The following POU6F1 variants were observed in gnomAD, a reference collection of about 807,000 sequenced individuals.
POU6F1 encodes POU class 6 homeobox 1, also known as POU domain, class 6, transcription factor 1.
Under a neutral mutation model 28.9 loss-of-function variants are expected in POU6F1, and 9 were observed. The observed-to-expected ratio is 0.31, with a 90% CI of 0.19 to 0.54. The LOEUF (loss-of-function observed/expected upper bound fraction) is 0.54, where lower values mean the gene tolerates loss of function less well. Ranked by LOEUF, POU6F1 falls within the 20% of genes least tolerant of loss-of-function variation. The probability of loss-of-function intolerance (pLI) is 0.94; values close to 1 mark genes in which losing one functional copy is unlikely to be tolerated. For synonymous variants in POU6F1, 173 were observed against 171.1 expected (o/e 1.01, Z -0.09); for missense variants, 338 against 426.1 (o/e 0.79, Z 1.82).
chr12:51,212,959 C>T (rs879526497), intron 1 of POU6F1, among the ~76,000 whole-genome samples: 14 of 150,806 alleles, frequency 9.3e-5, no homozygotes, highest in Non-Finnish European at 1.8e-4. Context: ...TTTTTCGAGG[C>T]GGAGTCTCGC....
chr12:51,208,918 C>G (rs975465347), intron 1 of POU6F1, among the ~76,000 whole-genome samples: 3 of 152,150 alleles, frequency 2.0e-5, no homozygotes, highest in Non-Finnish European at 4.4e-5. Flanking sequence ...GCCTGGGCAA[C>G]AGAGAGACCC....
rs1015831689 is a variant in POU6F1 at position 51,190,863 on chromosome 12, C to T, written c.1491-271G>A. ...TAGTGGAATAATAATAGTGCAACTG[C>T]CTTACAAACAACCATTCTAGAACGT... On this transcript the variant is annotated intron_variant, in intron 10 of 10. Transcript: ENST00000333640. The surrounding 1 kb of genome is among the most constrained non-coding windows in gnomAD (Gnocchi z 4.5). Among the ~76,000 whole-genome samples the T allele has an allele frequency of 3.3e-5, 5 of 150,820 alleles. No homozygotes were observed. Among genetic ancestry groups the T allele is most frequent in the Admixed American group, 6.6e-5 (1 of 15,072 alleles).
At chr12:51,202,830 C>T (rs1448208886) in intron 3 of POU6F1, among the ~76,000 whole-genome samples, 1 of 152,136 alleles carries the variant, frequency 6.6e-6, no homozygotes, top group Non-Finnish European at 1.5e-5. Flanking sequence ...ACTTAGTCTA[C>T]CCTCAGCGGC....
At chr12:51,194,788 T>C (rs1942701596) in intron 8 of POU6F1, among the ~76,000 whole-genome samples, 1 of 152,232 alleles carries the variant, frequency 6.6e-6, no homozygotes, top group Non-Finnish European at 1.5e-5. Context: ...CAGTGTTCAT[T>C]GCCTATGTAT....
intron 1 of POU6F1, among the ~76,000 whole-genome samples, chr12:51,212,056 C>T (rs985961965): frequency 1.4e-5 from 2 of 146,012 alleles, no homozygotes; most frequent in Non-Finnish European, 3.0e-5. Context: ...AAATGCCTTG[C>T]CTTTCGTTTT....
At position 51,217,588 on chromosome 12, in the gene POU6F1, CG is replaced by C. The variant is rs1944354822; in HGVS notation, c.-48+53del. The C allele has an allele frequency of 6.6e-6, 1 of 152,080 alleles. No homozygotes were observed. Among genetic ancestry groups the C allele is most frequent in the Non-Finnish European group, 1.5e-5 (1 of 67,970 alleles). 9.4% of individuals were successfully genotyped at this position (152,080 alleles called of 1,614,324 possible). A position where few individuals can be genotyped will look rare whatever the true frequency, so the allele number is the denominator to read the frequency against. On this transcript the variant is annotated intron_variant, in intron 1 of 10. Transcript: ENST00000333640. The surrounding 1 kb of genome is among the most constrained non-coding windows in gnomAD (Gnocchi z 5.3). ...AACCAAACCCGAAACCTCCCCTGCCCGGCCCCCTCCCCCTCCGTGCAAACCC... is the reference window on the plus strand; with the variant it reads ...AACCAAACCCGAAACCTCCCCTGCCCGCCCCCTCCCCCTCCGTGCAAACCC...
intron 8 of POU6F1, among the ~76,000 whole-genome samples, chr12:51,195,174 A>T (rs2137114787): frequency 6.6e-6 from 1 of 152,220 alleles, no homozygotes; most frequent in African/African-American, 2.4e-5. Flanking sequence ...TCCAGGCTGG[A>T]GTGCAGTGGC....
chr12:51,194,550 A>G (rs905991584), intron 8 of POU6F1, among the ~76,000 whole-genome samples: 1 of 150,184 alleles, frequency 6.7e-6, no homozygotes, highest in Non-Finnish European at 1.5e-5. Flanking sequence ...CTGAAGTGGG[A>G]GGATTGATTG....
intron 1 of POU6F1, among the ~76,000 whole-genome samples, chr12:51,214,269 T>C (rs1417762254): frequency 6.6e-6 from 1 of 152,232 alleles, no homozygotes; most frequent in African/African-American, 2.4e-5. Context: ...GCATGACTCT[T>C]ACCACAATCA....
At chr12:51,203,140 C>T (rs1943338883) in intron 3 of POU6F1, among the ~76,000 whole-genome samples, 1 of 152,112 alleles carries the variant, frequency 6.6e-6, no homozygotes, top group Admixed American at 6.6e-5. Flanking sequence ...ATGCACACTA[C>T]ACAAACACTC....
chr12:51,192,675 C>T lies in POU6F1; in HGVS notation c.1180-204G>A, dbSNP rs142045477. On this transcript the variant is annotated intron_variant, in intron 8 of 10. Coordinates refer to ENST00000333640, the MANE Select transcript of POU6F1 (RefSeq NM_001330422.2). ...ATCCCAACACTTTGGGAAGCCAAGG[C>T]GGGAGGATCACTTGAGGTTGGGAGT... is the stretch of plus-strand genomic sequence containing the variant. Among the ~76,000 whole-genome samples, 433 of 152,174 alleles carry T rather than the reference C, an allele frequency of 2.8e-3. 1 individual carries two copies. The highest frequency in any genetic ancestry group is 3.4e-3 in the Non-Finnish European group (234 of 68,008).
In POU6F1 at chr12:51,192,321, G is replaced by T. The variant is rs777603266; in HGVS notation, c.1321+9C>A. 6.4e-5 allele frequency: 104 copies of T among 1,613,636 alleles called. No individual in the cohort carries two copies. The highest frequency in any genetic ancestry group is 8.6e-5 in the Non-Finnish European group (101 of 1,179,778). ...ACTTCTCCACACTACTTCTCCAGGA[G>T]CCACTTACTGGACACCAACTGGCTG... is the stretch of plus-strand genomic sequence containing the variant. On this transcript the variant is annotated intron_variant, in intron 9 of 10. Transcript: ENST00000333640.
In POU6F1 at chr12:51,189,474, T is replaced by A. The variant is rs1216428235; in HGVS notation, c.*773A>T. On this transcript the variant is annotated 3_prime_UTR_variant, in exon 11 of 11. Transcript: ENST00000333640. ...GAAAGAACAGCCTTATTTTCTAAAT[T>A]CCCAACCTTCTGCAGACCCAGGAGA... The A allele has an allele frequency of 2.0e-5, 3 of 152,162 alleles. No homozygotes were observed. Among genetic ancestry groups the A allele is most frequent in the East Asian group, 3.8e-4 (2 of 5,204 alleles). The allele number at this position is 152,162 out of a possible 1,614,324, so 9.4% of individuals were successfully genotyped here. A position where few individuals can be genotyped will look rare whatever the true frequency, so the allele number is the denominator to read the frequency against.
chr12:51,207,776 A>G (rs1943724458), intron 1 of POU6F1: 1 of 152,244 alleles, frequency 6.6e-6, no homozygotes. Flanking sequence ...CTACTCTCAG[A>G]GAGTCTGATT....
chr12:51,195,403 G>T (rs926270239), intron 8 of POU6F1, among the ~76,000 whole-genome samples: 2 of 152,130 alleles, frequency 1.3e-5, no homozygotes, highest in Admixed American at 6.5e-5. Flanking sequence ...CCTTATTTGT[G>T]TGTCCCTGTG....
chr12:51,196,999 G>A, intron 6 of POU6F1, 72 bp from the exon 7 acceptor site: 1 of 827,856 alleles, frequency 1.2e-6, no homozygotes, highest in South Asian at 1.6e-5. Context: ...GAAGAGGACA[G>A]AGGGCATTGG....
chr12:51,214,214 G>T (rs1381672975), intron 1 of POU6F1, among the ~76,000 whole-genome samples: 1 of 151,960 alleles, frequency 6.6e-6, no homozygotes, highest in Non-Finnish European at 1.5e-5. Context: ...AAGCCCTATG[G>T]GATTGTTATG....
Position 51,190,544 on chromosome 12 carries a change from C to T in POU6F1, c.1539G>A (p.Pro513=), listed in dbSNP as rs141839526. The change falls in exon 11 of 11, where the codon CCG becomes CCA. Residue 513 remains proline, a synonymous_variant. Transcript: ENST00000333640. This position sits in a 1 kb window ranked among gnomAD's most constrained non-coding sequence, Gnocchi z 4.5. ...ITPKSAQKLK[P]VLEKWLNEAE... ...CTTCGTTTAGCCACTTTTCCAGCAC[C>T]GGCTTTAGCTTCTGGGCACTCTTGG... is the stretch of plus-strand genomic sequence containing the variant. 2.6e-5 allele frequency: 42 copies of T among 1,614,042 alleles called. No homozygotes were observed. The highest frequency in any genetic ancestry group is 1.2e-4 in the African/African-American group (9 of 74,916).
At position 51,190,209 on chromosome 12, in the gene POU6F1, T is replaced by C; in HGVS notation, c.*38A>G. ...GGCTGCAGCCGGATGCCACGGGAAA[T>C]GGACAAAGTGCTAGAACACAGGGCC... On this transcript the variant is annotated 3_prime_UTR_variant, in exon 11 of 11. Transcript: ENST00000333640. This position sits in a 1 kb window ranked among gnomAD's most constrained non-coding sequence, Gnocchi z 4.5. 6.3e-7 allele frequency: 1 copy of C among 1,597,288 alleles called. No homozygotes were observed. Among genetic ancestry groups the C allele is most frequent in the Non-Finnish European group, 8.5e-7 (1 of 1,170,254 alleles).
Sources: allele counts gnomAD v4.1 joint callset (sites outside exome capture counted in the v4.1 genomes callset), GRCh38; gene constraint gnomAD v4.1.1; non-coding constraint Gnocchi (gnomAD v3.1); transcripts MANE v1.5; gene names NCBI Gene and HGNC (gene_info 2026-07-23, HGNC 2026-07-21).